Variants in TMEFF2 observed in about 807,000 individuals in gnomAD.
TMEFF2 encodes the protein transmembrane protein with EGF like and two follistatin like domains 2, also known as tomoregulin-2.
A neutral mutation model predicts 53.8 loss-of-function variants in TMEFF2; 28 were observed. The observed-to-expected ratio is 0.52, with a 90% CI of 0.39 to 0.71. The LOEUF (loss-of-function observed/expected upper bound fraction) is 0.71. Ranked by LOEUF, TMEFF2 falls within the 30% of genes least tolerant of loss-of-function variation. TMEFF2 has a pLI of 0.00. For missense variants in TMEFF2, 353 were observed against 455.2 expected (o/e 0.78, Z 2.04); for synonymous variants, 162 against 166.3 (o/e 0.97, Z 0.20).
intron 1 of TMEFF2, among the ~76,000 whole-genome samples, chr2:192,193,741 GAGAGAGAGAGATAGATAGAT>G (rs1452701339): frequency 0.019 from 741 of 39,290 alleles, 19 homozygotes; most frequent in African/African-American, 0.052. Flanking sequence ...GGGAATGAGA[GAGAGAGAGAGATAGATAGAT>G]AGAGAGAGAG....
intron 4 of TMEFF2, among the ~76,000 whole-genome samples, chr2:192,102,040 G>A (rs79621210): frequency 1.3e-5 from 2 of 152,244 alleles, no homozygotes; most frequent in African/African-American, 2.4e-5. Flanking sequence ...AAGCTCCATA[G>A]ATGTGATTTA....
chr2:192,114,990 A>AT (rs945453808), intron 4 of TMEFF2, among the ~76,000 whole-genome samples: 1 of 151,954 alleles, frequency 6.6e-6, no homozygotes, highest in Admixed American at 6.6e-5. Flanking sequence ...TCAACTAAAT[A>AT]TTTTTTTAAA....
intron 5 of TMEFF2, among the ~76,000 whole-genome samples, chr2:192,037,273 T>G (rs13398729): frequency 0.13 from 12,348 of 94,662 alleles, 981 homozygotes; most frequent in East Asian, 0.35. Flanking sequence ...CTAGCCAAAA[T>G]AAAGAAAGAA....
At chr2:192,059,103 T>C (rs1488222723) in intron 4 of TMEFF2, among the ~76,000 whole-genome samples, 4 of 152,170 alleles carry the variant, frequency 2.6e-5, no homozygotes, top group Non-Finnish European at 5.9e-5. Context: ...AGGAGAGTTA[T>C]CTGTTTTATA....
At chr2:192,111,970 T>A (rs1689289909) in intron 4 of TMEFF2, among the ~76,000 whole-genome samples, 1 of 152,176 alleles carries the variant, frequency 6.6e-6, no homozygotes, top group African/African-American at 2.4e-5. Flanking sequence ...AACCTCAACT[T>A]AGATTTCAGA....
chr2:192,057,615 T>A (rs1014116487), intron 5 of TMEFF2, 64 bp downstream of exon 5: 1 of 1,312,910 alleles, frequency 7.6e-7, no homozygotes, highest in Non-Finnish European at 1.1e-6. Flanking sequence ...GAATGGTTGA[T>A]GGTGTTAAAA....
chr2:192,177,624 G>A (rs772375203), intron 4 of TMEFF2: 14 of 150,648 alleles, frequency 9.3e-5, no homozygotes, highest in Non-Finnish European at 1.6e-4. Context: ...AGCAAACATC[G>A]GAAGTTGTTT....
In TMEFF2 at chr2:191,965,679, A is replaced by T. The variant is rs543288667; in HGVS notation, c.746-9301T>A. 8.6e-5 allele frequency among the ~76,000 whole-genome samples: 13 copies of T among 151,964 alleles called. No individual in the cohort carries two copies. The East Asian group carries it at 2.1e-3, about 25-fold the overall frequency. On this transcript the variant is annotated intron_variant, in intron 7 of 9. Coordinates refer to ENST00000272771, the MANE Select transcript of TMEFF2 (RefSeq NM_016192.4). ...TCTTCTGCATCTTCTTACATTCATC[A>T]TATGAAATTTTTCTCTCCCCTCTGG...
intron 4 of TMEFF2, among the ~76,000 whole-genome samples, chr2:192,173,844 C>A (rs947647406): frequency 5.3e-5 from 8 of 151,716 alleles, no homozygotes; most frequent in African/African-American, 1.7e-4. Context: ...GACTTAAAAT[C>A]ACTAATTAAA....
intron 4 of TMEFF2, among the ~76,000 whole-genome samples, chr2:192,066,768 G>A (rs1688177383): frequency 6.6e-6 from 1 of 151,786 alleles, no homozygotes; most frequent in African/African-American, 2.4e-5. Context: ...AAGGCAGACA[G>A]CCTGATATCA....
At chr2:192,083,666 G>A (rs1271906176) in intron 4 of TMEFF2, among the ~76,000 whole-genome samples, 1 of 151,026 alleles carries the variant, frequency 6.6e-6, no homozygotes, top group East Asian at 1.9e-4. Flanking sequence ...CAGCTCATCA[G>A]CTTTCAAAAC....
intron 5 of TMEFF2, among the ~76,000 whole-genome samples, chr2:192,046,908 C>T (rs1288828551): frequency 1.2e-5 from 1 of 85,946 alleles, no homozygotes; most frequent in Admixed American, 1.4e-4. Flanking sequence ...ACCTGTGTTA[C>T]CTGTTTTTTT....
chr2:192,167,413 T>C (rs1191315559), intron 4 of TMEFF2, among the ~76,000 whole-genome samples: 1 of 152,116 alleles, frequency 6.6e-6, no homozygotes, highest in East Asian at 1.9e-4. Context: ...AATACTGAAA[T>C]GTTAAGAGAA....
chr2:192,155,233 ATTGGGAGAAATAATTTAGTT>A (rs1271253473), intron 4 of TMEFF2, among the ~76,000 whole-genome samples: 5 of 151,980 alleles, frequency 3.3e-5, no homozygotes, highest in Non-Finnish European at 4.4e-5. Context: ...CCGAGAGCCT[ATTGGGAGAAATAATTTAGTT>A]TTGGGAGAAA....
chr2:192,161,110 G>GC (rs974251050), intron 4 of TMEFF2, among the ~76,000 whole-genome samples: 1 of 151,830 alleles, frequency 6.6e-6, no homozygotes, highest in African/African-American at 2.4e-5. Flanking sequence ...CTCTCCCCTT[G>GC]CCCCCTCCCG....
chr2:192,056,205 A>G (rs1481146188), intron 5 of TMEFF2, among the ~76,000 whole-genome samples: 4 of 152,198 alleles, frequency 2.6e-5, no homozygotes, highest in Non-Finnish European at 5.9e-5. Flanking sequence ...CACAGTCTAC[A>G]TACTGCAGAA....
chr2:192,112,062 G>A (rs781201398), intron 4 of TMEFF2, among the ~76,000 whole-genome samples: 42 of 152,220 alleles, frequency 2.8e-4, no homozygotes, highest in African/African-American at 4.1e-4. Flanking sequence ...CTAGAGCAGC[G>A]CAGAAGAAAA....
At chr2:192,120,776 G>A (rs568105383) in intron 4 of TMEFF2, among the ~76,000 whole-genome samples, 21 of 150,486 alleles carry the variant, frequency 1.4e-4, no homozygotes, top group South Asian at 2.1e-4. Flanking sequence ...TCGCTCTGTC[G>A]CCCAGGCTGG....
At chr2:192,077,017 G>C (rs1003740145) in intron 4 of TMEFF2, among the ~76,000 whole-genome samples, 3 of 152,060 alleles carry the variant, frequency 2.0e-5, no homozygotes, top group African/African-American at 7.2e-5. Flanking sequence ...AGAGAAATCG[G>C]TCATCAGAAA....
Sources: allele counts gnomAD v4.1 joint callset (sites outside exome capture counted in the v4.1 genomes callset), GRCh38; gene constraint gnomAD v4.1.1; transcripts MANE v1.5; gene names NCBI Gene and HGNC (gene_info 2026-07-23, HGNC 2026-07-21).